Variants in KCNH8 observed in about 807,000 individuals in gnomAD.
The protein encoded by KCNH8 is potassium voltage-gated channel subfamily H member 8.
Under a neutral mutation model 103.6 loss-of-function variants are expected in KCNH8, and 70 were observed. The ratio of observed to expected loss-of-function variants is 0.68; its 90% CI spans 0.56 to 0.82. The LOEUF is 0.82. Among genes scored for constraint, KCNH8 ranks in the 40% least tolerant of loss-of-function variants. The probability of loss-of-function intolerance (pLI) is 0.00; values close to 1 mark genes in which losing one functional copy is unlikely to be tolerated. For missense variants in KCNH8, 1,217 were observed against 1,329.9 expected (o/e 0.92, Z 1.32); for synonymous variants, 498 against 489.4 (o/e 1.02, Z -0.23).
intron 1 of KCNH8, among the ~76,000 whole-genome samples, chr3:19,215,398 G>A (rs935215428): frequency 6.6e-6 from 1 of 152,200 alleles, no homozygotes; most frequent in Admixed American, 6.5e-5. Flanking sequence ...GGAGAACCAT[G>A]AGGACCTAGA....
At chr3:19,248,078 C>T (rs1357271171) in intron 1 of KCNH8, among the ~76,000 whole-genome samples, 10 of 152,042 alleles carry the variant, frequency 6.6e-5, no homozygotes, top group Admixed American at 6.5e-4. Context: ...CAAAATAACA[C>T]TACAACAAGC....
intron 1 of KCNH8, among the ~76,000 whole-genome samples, chr3:19,230,266 G>A (rs1025334539): frequency 6.6e-6 from 1 of 152,170 alleles, no homozygotes; most frequent in Non-Finnish European, 1.5e-5. Flanking sequence ...CAGATGTTAA[G>A]CAGAAAGAAC....
intron 1 of KCNH8, among the ~76,000 whole-genome samples, chr3:19,242,478 A>G (rs1335987190): frequency 6.6e-6 from 1 of 152,220 alleles, no homozygotes; most frequent in African/African-American, 2.4e-5. Flanking sequence ...CCATAGTTCT[A>G]TGAACTAAGC....
rs57661437 is a variant in KCNH8 at position 19,260,487 on chromosome 3, G to GATATAT, written c.310+6642_310+6647dup. Among the ~76,000 whole-genome samples, 186 of 40,016 alleles carry GATATAT rather than the reference G, an allele frequency of 4.6e-3. 8 individuals are homozygous for GATATAT. Among genetic ancestry groups the GATATAT allele is most frequent in the Non-Finnish European group, 6.1e-3 (108 of 17,628 alleles). The allele number at this position is 40,016 out of a possible 152,430, so 26.3% of individuals were successfully genotyped here. On this transcript the variant is annotated intron_variant, in intron 2 of 15. Coordinates refer to ENST00000328405, the MANE Select transcript of KCNH8 (RefSeq NM_144633.3). ...ATTTAATATATGTATTACTCTATAG[G>GATATAT]ATATATATATATATATATATATATA... is the stretch of plus-strand genomic sequence containing the variant.
At chr3:19,370,300 T>G (rs1323957704) in intron 5 of KCNH8, among the ~76,000 whole-genome samples, 1 of 152,056 alleles carries the variant, frequency 6.6e-6, no homozygotes, top group Non-Finnish European at 1.5e-5. Context: ...GTTTTTGTAC[T>G]CTCAGAATTC....
chr3:19,355,356 C>T (rs903736783), intron 5 of KCNH8, among the ~76,000 whole-genome samples: 2 of 152,172 alleles, frequency 1.3e-5, no homozygotes, highest in Non-Finnish European at 2.9e-5. Context: ...CTAGAAATAC[C>T]ATTTGACCCA....
intron 1 of KCNH8, among the ~76,000 whole-genome samples, chr3:19,211,924 T>A (rs1413985215): frequency 6.6e-6 from 1 of 152,172 alleles, no homozygotes; most frequent in East Asian, 1.9e-4. Context: ...GGGTGGTATG[T>A]TAATCACTGA....
At chr3:19,287,274 A>C (rs139969112) in intron 3 of KCNH8, among the ~76,000 whole-genome samples, 3 of 152,296 alleles carry the variant, frequency 2.0e-5, no homozygotes, top group African/African-American at 7.2e-5. Flanking sequence ...GTGAGACATT[A>C]GAGAAAAACG....
At chr3:19,496,414 A>G (rs1443917222) in intron 11 of KCNH8, among the ~76,000 whole-genome samples, 1 of 152,190 alleles carries the variant, frequency 6.6e-6, no homozygotes, top group East Asian at 1.9e-4. Context: ...GTGATGTTGA[A>G]TTTTATCAAA....
chr3:19,324,062 C>G (rs2065387745), intron 3 of KCNH8, among the ~76,000 whole-genome samples: 1 of 152,072 alleles, frequency 6.6e-6, no homozygotes, highest in Admixed American at 6.6e-5. Flanking sequence ...CCATAGAGCT[C>G]CCAAGAGATT....
intron 1 of KCNH8, among the ~76,000 whole-genome samples, chr3:19,226,706 T>G (rs2063936364): frequency 6.6e-6 from 1 of 152,098 alleles, no homozygotes; most frequent in Admixed American, 6.6e-5. Flanking sequence ...CTATTCAGGC[T>G]GTGCTCTGCT....
chr3:19,279,106 C>T (rs2064719084), intron 2 of KCNH8, among the ~76,000 whole-genome samples: 2 of 152,014 alleles, frequency 1.3e-5, no homozygotes, highest in South Asian at 4.1e-4. Flanking sequence ...TCTTTGTGTC[C>T]CCACTATTAC....
chr3:19,409,527 G>T (rs778767635), intron 7 of KCNH8, among the ~76,000 whole-genome samples: 5 of 152,050 alleles, frequency 3.3e-5, no homozygotes, highest in Non-Finnish European at 5.9e-5. Context: ...ATATTAACCT[G>T]GAAGGTAAAT....
chr3:19,507,498 C>A (rs2068715577), intron 11 of KCNH8, among the ~76,000 whole-genome samples: 1 of 152,088 alleles, frequency 6.6e-6, no homozygotes. Flanking sequence ...AGTGACTAGG[C>A]CCTTTGTTCC....
intron 4 of KCNH8, 90 bp from the exon 5 acceptor site, chr3:19,347,635 C>G (rs191909929): frequency 1.4e-6 from 2 of 1,457,584 alleles, no homozygotes; most frequent in Non-Finnish European, 9.4e-7. Context: ...AGTGAATGAT[C>G]CTACTCACAA....
intron 7 of KCNH8, among the ~76,000 whole-genome samples, chr3:19,420,171 A>G (rs1350812205): frequency 7.9e-5 from 12 of 152,210 alleles, no homozygotes; most frequent in Non-Finnish European, 1.8e-4. Flanking sequence ...AATGCTCAAT[A>G]TATGTTCATT....
intron 15 of KCNH8, among the ~76,000 whole-genome samples, chr3:19,532,478 C>T (rs1219311067): frequency 1.3e-5 from 2 of 152,114 alleles, no homozygotes; most frequent in Non-Finnish European, 2.9e-5. Context: ...GCATCCTCAC[C>T]GTTACTGAAG....
intron 3 of KCNH8, among the ~76,000 whole-genome samples, chr3:19,312,242 G>A (rs1204211437): frequency 6.6e-6 from 1 of 151,852 alleles, no homozygotes; most frequent in Non-Finnish European, 1.5e-5. Context: ...GGCATAAGAA[G>A]GAACTAAGTT....
At chr3:19,158,751 T>A (rs745656723) in intron 1 of KCNH8, among the ~76,000 whole-genome samples, 19 of 151,940 alleles carry the variant, frequency 1.3e-4, no homozygotes, top group Non-Finnish European at 2.1e-4. Flanking sequence ...TGTTATTAAT[T>A]TTTTTAACCA....
Sources: gnomAD v4.1 joint callset for allele counts (sites outside exome capture counted in the v4.1 genomes callset) on GRCh38, gnomAD v4.1.1 for gene constraint, MANE v1.5 for transcripts, NCBI Gene and HGNC (gene_info 2026-07-23, HGNC 2026-07-21) for gene names.